BNIP2: variants seen among roughly 807,000 people sequenced by gnomAD.
BNIP2 encodes BCL2/adenovirus E1B 19 kDa protein-interacting protein 2.
In BNIP2, 36 loss-of-function variants were observed where a neutral mutation model predicts 43.4. That is an observed-to-expected ratio of 0.83 (90% CI 0.64 to 1.10). The LOEUF (loss-of-function observed/expected upper bound fraction) is 1.10, where lower values mean the gene tolerates loss of function less well. BNIP2 is among the 50% of genes least tolerant of loss of function. BNIP2 has a pLI of 0.00. For synonymous variants in BNIP2, 146 were observed against 121.0 expected (o/e 1.21, Z -1.35); for missense variants, 417 against 374.1 (o/e 1.11, Z -0.95).
chr15:59,678,745 T>C (rs1893467541), intron 4 of BNIP2: 5 of 1,291,380 alleles, frequency 3.9e-6, no homozygotes, highest in African/African-American at 1.5e-5. Context: ...TTATAGTCCT[T>C]ACCAAAAGAT....
At chr15:59,683,696 G>A (rs1457526318) in intron 1 of BNIP2, among the ~76,000 whole-genome samples, 7 of 152,170 alleles carry the variant, frequency 4.6e-5, no homozygotes, top group Non-Finnish European at 1.0e-4. Context: ...GCAGGCGCCT[G>A]TAATCCCAGC....
At position 59,660,327 on chromosome 15, in the gene BNIP2, C is replaced by G. The variant is rs1892187310; in HGVS notation, c.*3742G>C. 6.6e-6 allele frequency: 1 copy of G among 152,132 alleles called. No homozygotes were observed. Among genetic ancestry groups the G allele is most frequent in the Non-Finnish European group, 1.5e-5 (1 of 68,022 alleles). The allele number at this position is 152,132 out of a possible 1,614,324, so 9.4% of individuals were successfully genotyped here. ...ATTGGAGAAAAAACAGGCATGAAAA[C>G]AAAATAGAATGGTGTAGCAATCTCT... On this transcript the variant is annotated 3_prime_UTR_variant, in exon 10 of 10. Transcript: ENST00000607373.
rs1225484656 is a variant in BNIP2 at position 59,660,589 on chromosome 15, G to C, written c.*3480C>G. The stretch of plus-strand genomic sequence containing the variant: ...GAGCATTCACATAAACAGCCAAATA[G>C]AAATGTTATATAGTCTTTTTAAAAG... On this transcript the variant is annotated 3_prime_UTR_variant, in exon 10 of 10. Coordinates refer to ENST00000607373, the MANE Select transcript of BNIP2 (RefSeq NM_004330.4). 1 of 152,104 alleles carries C rather than the reference G, an allele frequency of 6.6e-6. No individual in the cohort carries two copies. Among genetic ancestry groups the C allele is most frequent in the South Asian group, 2.1e-4 (1 of 4,830 alleles). 9.4% of individuals were successfully genotyped at this position (152,104 alleles called of 1,614,324 possible).
intron 9 of BNIP2, 128 bp from the exon 10 acceptor site, chr15:59,664,248 T>C: frequency 1.9e-6 from 1 of 522,204 alleles, no homozygotes; most frequent in Non-Finnish European, 3.1e-6. Context: ...GCAGACATAG[T>C]AAAAACAGTT....
In BNIP2 at chr15:59,660,561, C is replaced by T. The variant is rs1192203630; in HGVS notation, c.*3508G>A. ...CTGTATAAAACACATGTCCAAATTCCCTGAGCATTCACATAAACAGCCAAA... is the reference window on the plus strand; with the variant it reads ...CTGTATAAAACACATGTCCAAATTCTCTGAGCATTCACATAAACAGCCAAA... On this transcript the variant is annotated 3_prime_UTR_variant, in exon 10 of 10. Coordinates refer to ENST00000607373, the MANE Select transcript of BNIP2 (RefSeq NM_004330.4). 6.6e-6 allele frequency: 1 copy of T among 152,118 alleles called. No homozygotes were observed. Among genetic ancestry groups the T allele is most frequent in the Non-Finnish European group, 1.5e-5 (1 of 68,034 alleles). The allele number at this position is 152,118 out of a possible 1,614,324, so 9.4% of individuals were successfully genotyped here.
At chr15:59,680,849 G>A (rs1595704361) in intron 2 of BNIP2, among the ~76,000 whole-genome samples, 3 of 152,178 alleles carry the variant, frequency 2.0e-5, no homozygotes, top group Middle Eastern at 3.4e-3. Flanking sequence ...CTTCTGCCTC[G>A]GCCTCCCAAA....
chr15:59,668,704 T>C, intron 9 of BNIP2, 188 bp downstream of exon 9: 2 of 508,748 alleles, frequency 3.9e-6, no homozygotes, highest in Non-Finnish European at 3.5e-6. Flanking sequence ...CTGAAGAAAA[T>C]GCTAACTTAG....
chr15:59,668,442 C>T (rs185287701), intron 9 of BNIP2, among the ~76,000 whole-genome samples: 1 of 152,126 alleles, frequency 6.6e-6, no homozygotes, highest in South Asian at 2.1e-4. Flanking sequence ...ATAATCAGAA[C>T]AGAATTTCAG....
At position 59,682,536 on chromosome 15, in the gene BNIP2, T is replaced by C. The variant is rs367768152; in HGVS notation, c.-57-22A>G. 61 of 1,564,406 alleles carry C rather than the reference T, an allele frequency of 3.9e-5. No individual in the cohort carries two copies. The African/African-American group carries it at 8.0e-4, about 20-fold the overall frequency. On this transcript the variant is annotated intron_variant, in intron 1 of 9. Coordinates refer to ENST00000607373, the MANE Select transcript of BNIP2 (RefSeq NM_004330.4). ...TGTCCTATGAAGAGAGAAAAATGTATAACTTAATTTCCACTTTACTTTTTA... is the reference window on the plus strand; with the variant it reads ...TGTCCTATGAAGAGAGAAAAATGTACAACTTAATTTCCACTTTACTTTTTA...
intron 7 of BNIP2, 26 bp from the exon 8 acceptor site, chr15:59,669,388 C>T: frequency 7.4e-7 from 1 of 1,351,812 alleles, no homozygotes; most frequent in South Asian, 1.5e-5. Context: ...AAAACACACA[C>T]ACACAAAGAA....
At chr15:59,664,174 T>C (rs2141983389) in intron 9 of BNIP2, 54 bp from the exon 10 acceptor site, 1 of 1,229,314 alleles carries the variant, frequency 8.1e-7, no homozygotes, top group East Asian at 2.6e-5. Context: ...CAATTTTCTT[T>C]CTAAAAATAA....
rs1893510153 is a variant in BNIP2 at position 59,679,423 on chromosome 15, G to A, written c.295+169C>T. The A allele has an allele frequency of 6.6e-6, 4 of 607,412 alleles. 1 individual carries two copies. In the South Asian group the frequency reaches 1.1e-4, roughly 16 times the overall value. 37.6% of individuals were successfully genotyped at this position (607,412 alleles called of 1,614,324 possible). A position where few individuals can be genotyped will look rare whatever the true frequency, so the allele number is the denominator to read the frequency against. ...AGTGGGCAAATAAGAGGGGAAAAAAGCCACTGGTGTACTCTATACACACTT... is the reference window on the plus strand; with the variant it reads ...AGTGGGCAAATAAGAGGGGAAAAAAACCACTGGTGTACTCTATACACACTT... On this transcript the variant is annotated intron_variant, in intron 4 of 9. Transcript: ENST00000607373.
chr15:59,679,857 T>C, intron 3 of BNIP2, 89 bp from the exon 4 acceptor site: 1 of 1,133,746 alleles, frequency 8.8e-7, no homozygotes, highest in Non-Finnish European at 1.2e-6. Flanking sequence ...ACCCCATTCT[T>C]GGGAAAAAAT....
chr15:59,677,780 G>C (rs1476790696), intron 5 of BNIP2, 131 bp downstream of exon 5: 3 of 1,238,948 alleles, frequency 2.4e-6, no homozygotes, highest in Non-Finnish European at 3.2e-6. Flanking sequence ...TCCTACAAAA[G>C]ACGAGTCTCT....
chr15:59,666,350 C>A (rs1892565806), intron 9 of BNIP2, among the ~76,000 whole-genome samples: 1 of 152,188 alleles, frequency 6.6e-6, no homozygotes, highest in African/African-American at 2.4e-5. Context: ...CTTAAATAAG[C>A]TCCCTTGCAC....
At chr15:59,672,903 A>C (rs1175564840) in intron 5 of BNIP2, among the ~76,000 whole-genome samples, 164 bp from the exon 6 acceptor site, 1 of 152,198 alleles carries the variant, frequency 6.6e-6, no homozygotes, top group African/African-American at 2.4e-5. Context: ...ATAGAATTTT[A>C]ATGTCTTCTT....
intron 2 of BNIP2, 82 bp from the exon 3 acceptor site, chr15:59,680,390 TATAGAA>T: frequency 1.9e-6 from 2 of 1,029,146 alleles, no homozygotes; most frequent in Non-Finnish European, 2.8e-6. Context: ...ACATACAGCT[TATAGAA>T]ATAATTATTT....
chr15:59,661,330 C>CA lies in BNIP2; in HGVS notation c.*2738dup, dbSNP rs34698618. ...GGGTGACAGAGTGAGTCTCTGTCTCCAAAAAAAAAAAAAAAAAAAGAGAGG... is the reference window on the plus strand; with the variant it reads ...GGGTGACAGAGTGAGTCTCTGTCTCCAAAAAAAAAAAAAAAAAAAAGAGAGG... On this transcript the variant is annotated 3_prime_UTR_variant, in exon 10 of 10. Transcript: ENST00000607373. 80,100 of 98,674 alleles carry CA rather than the reference C, an allele frequency of 0.81. 33,384 individuals are homozygous for CA. The highest frequency in any genetic ancestry group is 0.9 in the Middle Eastern group (149 of 166). The allele number at this position is 98,674 out of a possible 1,614,324, so 6.1% of individuals were successfully genotyped here.
chr15:59,679,655 C>T lies in BNIP2; in HGVS notation c.232G>A (p.Gly78Arg), dbSNP rs1229629140. The T allele has an allele frequency of 6.2e-7, 1 of 1,613,118 alleles. No homozygotes were observed. Among genetic ancestry groups the T allele is most frequent in the South Asian group, 1.1e-5 (1 of 90,986 alleles). ...TCTAAGCCATCTAAGTCAATCTCCCCACTTTCATCCAAATCATCTGACAAT... is the reference window on the plus strand; with the variant it reads ...TCTAAGCCATCTAAGTCAATCTCCCTACTTTCATCCAAATCATCTGACAAT... Reference protein sequence around the residue: ...SVLSDDLDESGEIDLDGLDTP... With the variant: ...SVLSDDLDESREIDLDGLDTP... The change falls in exon 4 of 10, where the codon GGG (glycine) becomes AGG (arginine). Residue 78 changes from glycine (G) to arginine (R), a missense_variant. By Grantham distance (125) the Gly-to-Arg change is moderately radical (BLOSUM62 -2). Coordinates refer to ENST00000607373, the MANE Select transcript of BNIP2 (RefSeq NM_004330.4).
Sources: gnomAD v4.1 joint callset for allele counts (sites outside exome capture counted in the v4.1 genomes callset) on GRCh38, gnomAD v4.1.1 for gene constraint, MANE v1.5 for transcripts, NCBI Gene and HGNC (gene_info 2026-07-23, HGNC 2026-07-21) for gene names.